The following SNTG1 variants were observed in gnomAD, a reference collection of about 807,000 sequenced individuals.
SNTG1 encodes syntrophin gamma 1.
SNTG1 carries 39 observed loss-of-function variants against 74.7 expected under a neutral mutation model. The observed-to-expected ratio is 0.52, with a 90% CI of 0.40 to 0.68. The LOEUF is 0.68. SNTG1 is among the 30% of genes least tolerant of loss of function. The probability of loss-of-function intolerance (pLI) is 0.00; values close to 1 mark genes in which losing one functional copy is unlikely to be tolerated. For synonymous variants in SNTG1, 254 were observed against 217.1 expected (o/e 1.17, Z -1.49); for missense variants, 685 against 609.5 (o/e 1.12, Z -1.30).
intron 15 of SNTG1, among the ~76,000 whole-genome samples, chr8:50,670,584 G>A (rs2095275812): frequency 6.8e-6 from 1 of 147,316 alleles, no homozygotes; most frequent in African/African-American, 2.6e-5. Flanking sequence ...TCATGGGTAG[G>A]AAGAATCAAT....
intron 1 of SNTG1, among the ~76,000 whole-genome samples, chr8:49,917,319 T>G (rs2129339129): frequency 6.6e-6 from 1 of 152,302 alleles, no homozygotes; most frequent in African/African-American, 2.4e-5. Flanking sequence ...ACTCATAAAC[T>G]TTCCTTCCAC....
chr8:50,717,138 A>G (rs2095477018), intron 17 of SNTG1, among the ~76,000 whole-genome samples: 1 of 152,212 alleles, frequency 6.6e-6, no homozygotes, highest in Non-Finnish European at 1.5e-5. Flanking sequence ...AACAAAATCA[A>G]GAAAGATTCA....
At chr8:50,625,094 C>T (rs766019964) in intron 13 of SNTG1, among the ~76,000 whole-genome samples, 45 of 152,266 alleles carry the variant, frequency 3.0e-4, no homozygotes, top group Non-Finnish European at 4.6e-4. Flanking sequence ...AACCAAGGGC[C>T]TTGTCTAAGC....
chr8:50,619,004 C>G (rs1365114477), intron 13 of SNTG1, among the ~76,000 whole-genome samples: 1 of 151,938 alleles, frequency 6.6e-6, no homozygotes, highest in Non-Finnish European at 1.5e-5. Flanking sequence ...TGCATTTTCC[C>G]TAGTCTGTCT....
At chr8:50,134,264 G>A (rs959844186) in intron 1 of SNTG1, among the ~76,000 whole-genome samples, 1 of 152,216 alleles carries the variant, frequency 6.6e-6, no homozygotes, top group Non-Finnish European at 1.5e-5. Context: ...AGCACTGAAA[G>A]TGAAAAAGTC....
intron 9 of SNTG1, among the ~76,000 whole-genome samples, chr8:50,509,851 G>A (rs2094049697): frequency 6.6e-6 from 1 of 152,140 alleles, no homozygotes; most frequent in African/African-American, 2.4e-5. Context: ...ATACAATCAT[G>A]TCATCTGCAA....
intron 13 of SNTG1, among the ~76,000 whole-genome samples, chr8:50,616,874 C>G (rs944551999): frequency 1.3e-5 from 2 of 152,170 alleles, no homozygotes; most frequent in Non-Finnish European, 2.9e-5. Flanking sequence ...TATTCTCTTC[C>G]TCCGTCACGC....
chr8:49,934,881 G>GA (rs35983107), intron 1 of SNTG1, among the ~76,000 whole-genome samples: 9,839 of 150,372 alleles, frequency 0.065, 1,052 homozygotes, highest in African/African-American at 0.23. Flanking sequence ...GCAACCTGGA[G>GA]AAAAAAAAAT....
At chr8:50,000,798 A>T (rs536035444) in intron 1 of SNTG1, among the ~76,000 whole-genome samples, 2 of 152,196 alleles carry the variant, frequency 1.3e-5, no homozygotes, top group African/African-American at 2.4e-5. Context: ...CTAGAGTCCT[A>T]TAGATCTGGA....
chr8:49,935,141 A>G (rs1283769910), intron 1 of SNTG1, among the ~76,000 whole-genome samples: 2 of 151,368 alleles, frequency 1.3e-5, no homozygotes, highest in African/African-American at 4.9e-5. Flanking sequence ...GAATTTAAGA[A>G]CTTATTCCAG....
intron 18 of SNTG1, among the ~76,000 whole-genome samples, chr8:50,753,556 C>A (rs1284260416): frequency 1.3e-5 from 2 of 151,910 alleles, no homozygotes; most frequent in African/African-American, 4.8e-5. Context: ...TAAATGCAAT[C>A]TAATGGCTAC....
At chr8:49,996,571 A>C (rs1814239908) in intron 1 of SNTG1, among the ~76,000 whole-genome samples, 1 of 152,154 alleles carries the variant, frequency 6.6e-6, no homozygotes, top group Admixed American at 6.5e-5. Context: ...ACTTTCTAAT[A>C]GGACTTCTTA....
At chr8:50,428,878 C>T (rs751805892) in intron 4 of SNTG1, among the ~76,000 whole-genome samples, 9 of 151,852 alleles carry the variant, frequency 5.9e-5, no homozygotes, top group Non-Finnish European at 1.3e-4. Context: ...TCCTTGGGAC[C>T]AAGGACCCCA....
At chr8:50,071,815 T>TA (rs10657455) in intron 1 of SNTG1, among the ~76,000 whole-genome samples, 79,412 of 145,336 alleles carry the variant, frequency 0.55, 23,163 homozygotes, top group East Asian at 0.84. Context: ...ATACTAGTAC[T>TA]AAAAAAAAAA....
At chr8:50,469,871 C>T (rs1157649605) in intron 8 of SNTG1, among the ~76,000 whole-genome samples, 1 of 152,082 alleles carries the variant, frequency 6.6e-6, no homozygotes, top group East Asian at 1.9e-4. Context: ...CCCAGCTACT[C>T]GGGAGGCTGA....
At chr8:50,475,113 A>T (rs1432232933) in intron 8 of SNTG1, among the ~76,000 whole-genome samples, 1 of 151,392 alleles carries the variant, frequency 6.6e-6, no homozygotes, top group African/African-American at 2.4e-5. Context: ...GCATTAGCAG[A>T]TATACTGAAT....
intron 4 of SNTG1, among the ~76,000 whole-genome samples, chr8:50,418,050 C>T (rs572957889): frequency 1.3e-5 from 2 of 152,152 alleles, no homozygotes; most frequent in South Asian, 2.1e-4. Flanking sequence ...ATAATTTCCC[C>T]TTCTTCAAAA....
chr8:50,352,105 G>C (rs1041770196), intron 2 of SNTG1, among the ~76,000 whole-genome samples: 1 of 152,136 alleles, frequency 6.6e-6, no homozygotes, highest in African/African-American at 2.4e-5. Flanking sequence ...ACTTTGATCT[G>C]AAACAGACTT....
chr8:50,735,647 T>C (rs2095526548), intron 17 of SNTG1, among the ~76,000 whole-genome samples: 2 of 152,142 alleles, frequency 1.3e-5, no homozygotes, highest in African/African-American at 4.8e-5. Flanking sequence ...CTATGATTGA[T>C]TGGTGTACCA....
Sources: gnomAD v4.1 joint callset for allele counts (sites outside exome capture counted in the v4.1 genomes callset) on GRCh38, gnomAD v4.1.1 for gene constraint, MANE v1.5 for transcripts, NCBI Gene and HGNC (gene_info 2026-07-23, HGNC 2026-07-21) for gene names.